CGNL1: variants seen among roughly 807,000 people sequenced by gnomAD.
CGNL1 encodes the protein cingulin like 1, also known as cingulin-like protein 1.
CGNL1 carries 132 observed loss-of-function variants against 141.2 expected under a neutral mutation model. The observed-to-expected ratio is 0.93, with a 90% CI of 0.81 to 1.08. CGNL1 has a LOEUF of 1.08. Among genes scored for constraint, CGNL1 ranks in the 50% least tolerant of loss-of-function variants. The probability of loss-of-function intolerance (pLI) is 0.00; values close to 1 mark genes in which losing one functional copy is unlikely to be tolerated. For missense variants in CGNL1, 1,870 were observed against 1,588.6 expected (o/e 1.18, Z -3.01); for synonymous variants, 690 against 622.1 (o/e 1.11, Z -1.63).
At chr15:57,495,716 A>G (rs1219665944) in intron 8 of CGNL1, among the ~76,000 whole-genome samples, 1 of 152,158 alleles carries the variant, frequency 6.6e-6, no homozygotes, top group Non-Finnish European at 1.5e-5. Context: ...TGTTAAATGA[A>G]TCCACATTGT....
chr15:57,499,893 G>C (rs2063997927), intron 8 of CGNL1, among the ~76,000 whole-genome samples: 1 of 152,188 alleles, frequency 6.6e-6, no homozygotes, highest in Non-Finnish European at 1.5e-5. Flanking sequence ...ATTCAATTTA[G>C]GAAGGTTTTG....
chr15:57,380,334 G>A (rs1246614062), intron 1 of CGNL1, among the ~76,000 whole-genome samples: 3 of 152,146 alleles, frequency 2.0e-5, no homozygotes, highest in African/African-American at 4.8e-5. Flanking sequence ...GTGCCCAGCT[G>A]TTAGTAGCCC....
intron 8 of CGNL1, among the ~76,000 whole-genome samples, chr15:57,489,594 T>A (rs1343507392): frequency 1.3e-5 from 2 of 152,232 alleles, no homozygotes; most frequent in African/African-American, 4.8e-5. Flanking sequence ...TTGAACATAG[T>A]ATGAGGTAGG....
rs142233745 is a variant in CGNL1, at chr15:57,432,315, T to C, written c.-15-5670T>C. Among the ~76,000 whole-genome samples the C allele has an allele frequency of 2.5e-3, 383 of 152,284 alleles. 4 individuals carry two copies. Among genetic ancestry groups the C allele is most frequent in the African/African-American group, 9.0e-3 (372 of 41,560 alleles). On this transcript the variant is annotated intron_variant, in intron 1 of 18. Coordinates refer to ENST00000281282, the MANE Select transcript of CGNL1 (RefSeq NM_032866.5). ...ATTAGAGTTGTGGGGCGGGGATGTG[T>C]GGACCAGCATTACGTGACTAATCTC... is the stretch of plus-strand genomic sequence containing the variant.
chr15:57,472,754 CAT>C (rs1402437660), intron 8 of CGNL1, among the ~76,000 whole-genome samples: 2 of 152,150 alleles, frequency 1.3e-5, no homozygotes, highest in African/African-American at 4.8e-5. Flanking sequence ...GAATTTATAA[CAT>C]GTGTCTTTGG....
At chr15:57,477,865 C>T (rs2063676286) in intron 8 of CGNL1, among the ~76,000 whole-genome samples, 1 of 152,142 alleles carries the variant, frequency 6.6e-6, no homozygotes. Flanking sequence ...GTACCATGCC[C>T]CTCCTGCTGC....
intron 10 of CGNL1, among the ~76,000 whole-genome samples, chr15:57,523,053 C>G (rs2031373776): frequency 6.6e-6 from 1 of 152,160 alleles, no homozygotes; most frequent in African/African-American, 2.4e-5. Flanking sequence ...CTGTAAGAAC[C>G]ATCTGCATAG....
chr15:57,383,533 C>T (rs949907867), intron 1 of CGNL1, among the ~76,000 whole-genome samples: 2 of 151,922 alleles, frequency 1.3e-5, no homozygotes, highest in South Asian at 2.1e-4. Flanking sequence ...CTCCTGACCT[C>T]GTGATCCGCC....
Position 57,502,772 on chromosome 15 carries a change from T to C in CGNL1, c.2404-14008T>C, listed in dbSNP as rs77083001. ...CACTGTACCTTGTTCAAGTTGTATA[T>C]TCAGTGACTGTAGATAATCAATGGT... is the stretch of plus-strand genomic sequence containing the variant. On this transcript the variant is annotated intron_variant, in intron 8 of 18. Coordinates refer to ENST00000281282, the MANE Select transcript of CGNL1 (RefSeq NM_032866.5). 5.2e-3 allele frequency among the ~76,000 whole-genome samples: 786 copies of C among 152,300 alleles called. 7 individuals carry two copies. The highest frequency in any genetic ancestry group is 0.018 in the African/African-American group (745 of 41,572).
At chr15:57,538,464 T>C (rs1161370022) in intron 14 of CGNL1, among the ~76,000 whole-genome samples, 3 of 148,770 alleles carry the variant, frequency 2.0e-5, no homozygotes, top group Non-Finnish European at 4.5e-5. Flanking sequence ...GATAAATAAT[T>C]CCTTTTTTTG....
chr15:57,413,810 G>A (rs940581764), intron 1 of CGNL1, among the ~76,000 whole-genome samples: 7 of 151,962 alleles, frequency 4.6e-5, no homozygotes, highest in South Asian at 2.1e-4. Flanking sequence ...CTCTACCATC[G>A]GGCACGCTTG....
At chr15:57,449,411 C>T (rs1383349001) in intron 4 of CGNL1, among the ~76,000 whole-genome samples, 5 of 152,130 alleles carry the variant, frequency 3.3e-5, no homozygotes, top group Non-Finnish European at 4.4e-5. Flanking sequence ...CCTTATTTTT[C>T]AGAATAGTTT....
chr15:57,529,511 T>C (rs1301941381), intron 13 of CGNL1, among the ~76,000 whole-genome samples: 1 of 151,026 alleles, frequency 6.6e-6, no homozygotes, highest in Non-Finnish European at 1.5e-5. Flanking sequence ...TCACTCCATC[T>C]GAACTTTTAA....
In CGNL1 at chr15:57,518,455, GT is replaced by G. The variant is rs765067363; in HGVS notation, c.2674del (p.Ser892GlnfsTer17). 2 of 1,612,680 alleles carry G rather than the reference GT, an allele frequency of 1.2e-6. No individual in the cohort carries two copies. The highest frequency in any genetic ancestry group is 1.7e-6 in the Non-Finnish European group (2 of 1,179,448). On this transcript the variant is annotated frameshift_variant, in exon 10 of 19. Coordinates refer to ENST00000281282, the MANE Select transcript of CGNL1 (RefSeq NM_032866.5). LOFTEE classifies it high-confidence loss of function. ...HARKEEKEAV[S>X]ARRALENELE... ...CCAGAAAGGAAGAAAAAGAAGCTGT[GT>G]CAGCCAGAAGGGCCCTGGAGAATGA...
intron 8 of CGNL1, among the ~76,000 whole-genome samples, chr15:57,474,932 T>A (rs775187689): frequency 1.3e-4 from 20 of 152,176 alleles, no homozygotes; most frequent in Non-Finnish European, 2.6e-4. Context: ...AAGTCCTAAG[T>A]TTAGTGAAGT....
chr15:57,378,157 C>T (rs183142271), intron 1 of CGNL1, among the ~76,000 whole-genome samples: 1 of 152,196 alleles, frequency 6.6e-6, no homozygotes, highest in East Asian at 1.9e-4. Flanking sequence ...TGTAACCATG[C>T]TTATATTGGC....
chr15:57,488,186 C>T (rs190628013), intron 8 of CGNL1, among the ~76,000 whole-genome samples: 27 of 151,986 alleles, frequency 1.8e-4, no homozygotes, highest in Non-Finnish European at 3.4e-4. Flanking sequence ...GCTTATTGGC[C>T]GTTTGTATGT....
At position 57,469,973 on chromosome 15, in the gene CGNL1, T is replaced by C. The variant is rs970083600; in HGVS notation, c.2403+8081T>C. 4.6e-5 allele frequency among the ~76,000 whole-genome samples: 7 copies of C among 152,334 alleles called. 1 individual carries two copies. The South Asian group carries it at 1.0e-3, about 23-fold the overall frequency. On this transcript the variant is annotated intron_variant, in intron 8 of 18. Coordinates refer to ENST00000281282, the MANE Select transcript of CGNL1 (RefSeq NM_032866.5). The stretch of plus-strand genomic sequence containing the variant: ...TTCCCTTAAGACATGGCTAATTCAG[T>C]GTAAAATCTCATTTCTGTCTTCTCC...
chr15:57,496,496 C>T (rs2063940476), intron 8 of CGNL1, among the ~76,000 whole-genome samples: 1 of 152,088 alleles, frequency 6.6e-6, no homozygotes, highest in Non-Finnish European at 1.5e-5. Flanking sequence ...TGGTTTAGTC[C>T]TGAAACCATC....
Sources: allele counts gnomAD v4.1 joint callset (sites outside exome capture counted in the v4.1 genomes callset), GRCh38; gene constraint gnomAD v4.1.1; transcripts MANE v1.5; gene names NCBI Gene and HGNC (gene_info 2026-07-23, HGNC 2026-07-21).